The following ST6GALNAC3 variants were observed in gnomAD, a reference collection of about 807,000 sequenced individuals.
ST6GALNAC3 encodes the protein alpha-N-acetylgalactosaminide alpha-2,6-sialyltransferase 3.
Under a neutral mutation model 32.7 loss-of-function variants are expected in ST6GALNAC3, and 25 were observed. That is an observed-to-expected ratio of 0.76 (90% confidence interval 0.56 to 1.07). The LOEUF is 1.07. Ranked by LOEUF, ST6GALNAC3 falls within the 50% of genes least tolerant of loss-of-function variation. The pLI, the probability that ST6GALNAC3 is intolerant of heterozygous loss-of-function variation, is 0.00. For missense variants in ST6GALNAC3, 355 were observed against 382.4 expected (o/e 0.93, Z 0.60); for synonymous variants, 129 against 133.1 (o/e 0.97, Z 0.21).
At chr1:76,310,943 GCT>G (rs1195288166) in intron 1 of ST6GALNAC3, among the ~76,000 whole-genome samples, 1 of 152,084 alleles carries the variant, frequency 6.6e-6, no homozygotes, top group Non-Finnish European at 1.5e-5. Context: ...GTCAGTTCCT[GCT>G]CTGACAACTC....
intron 2 of ST6GALNAC3, among the ~76,000 whole-genome samples, chr1:76,371,292 T>G (rs780168767): frequency 6.6e-6 from 1 of 152,096 alleles, no homozygotes; most frequent in Non-Finnish European, 1.5e-5. Flanking sequence ...GGCATCATTA[T>G]ATAGGGGGCA....
chr1:76,574,590 A>G (rs944103353), intron 3 of ST6GALNAC3, among the ~76,000 whole-genome samples: 1 of 152,010 alleles, frequency 6.6e-6, no homozygotes, highest in Admixed American at 6.6e-5. Context: ...GATCTTCCTT[A>G]TATTAATCTG....
chr1:76,222,794 T>C (rs528009066), intron 1 of ST6GALNAC3, among the ~76,000 whole-genome samples: 1 of 152,108 alleles, frequency 6.6e-6, no homozygotes, highest in Admixed American at 6.5e-5. Context: ...ACAAGGGATA[T>C]GAAAAAATGC....
chr1:76,354,750 A>C (rs942699), intron 2 of ST6GALNAC3, among the ~76,000 whole-genome samples: 31,535 of 152,020 alleles, frequency 0.21, 3,724 homozygotes, highest in Non-Finnish European at 0.27. Flanking sequence ...AACTTCTAAG[A>C]GTGTTGGTTT....
chr1:76,120,412 A>G (rs1648796095), intron 1 of ST6GALNAC3, among the ~76,000 whole-genome samples: 1 of 152,236 alleles, frequency 6.6e-6, no homozygotes, highest in South Asian at 2.1e-4. Flanking sequence ...GGTCTCTGTG[A>G]GAAATGACTC....
At chr1:76,137,754 C>T (rs1411742942) in intron 1 of ST6GALNAC3, among the ~76,000 whole-genome samples, 2 of 152,180 alleles carry the variant, frequency 1.3e-5, no homozygotes, top group African/African-American at 4.8e-5. Context: ...GCTAGGAACC[C>T]TTCCAAGAGA....
At chr1:76,565,191 C>A (rs1665481917) in intron 3 of ST6GALNAC3, among the ~76,000 whole-genome samples, 1 of 152,118 alleles carries the variant, frequency 6.6e-6, no homozygotes, top group African/African-American at 2.4e-5. Context: ...ATGCTGACAA[C>A]AACTGAGGAC....
chr1:76,257,807 A>G (rs139020583), intron 1 of ST6GALNAC3, among the ~76,000 whole-genome samples: 3 of 152,264 alleles, frequency 2.0e-5, no homozygotes, highest in African/African-American at 7.2e-5. Flanking sequence ...GGAAAAAAGA[A>G]TAGGATAGAG....
At chr1:76,410,216 CCTA>C (rs1203826516) in intron 2 of ST6GALNAC3, among the ~76,000 whole-genome samples, 1 of 152,170 alleles carries the variant, frequency 6.6e-6, no homozygotes, top group African/African-American at 2.4e-5. Flanking sequence ...GGCCTCAGTA[CCTA>C]CTTGGCTCTC....
At chr1:76,256,033 C>CACACACAA (rs1412343859) in intron 1 of ST6GALNAC3, among the ~76,000 whole-genome samples, 1 of 151,826 alleles carries the variant, frequency 6.6e-6, no homozygotes, top group Non-Finnish European at 1.5e-5. Context: ...CACACACACA[C>CACACACAA]ACACACACAA....
chr1:76,439,808 A>G (rs17098996), intron 3 of ST6GALNAC3, among the ~76,000 whole-genome samples: 4,768 of 152,292 alleles, frequency 0.031, 262 homozygotes, highest in African/African-American at 0.11. Context: ...AAGAGTCTAC[A>G]GTAGAAAAGA....
chr1:76,102,777 A>G (rs1227352976), intron 1 of ST6GALNAC3, among the ~76,000 whole-genome samples: 2 of 151,982 alleles, frequency 1.3e-5, no homozygotes, highest in Non-Finnish European at 2.9e-5. Context: ...GATTAATCAT[A>G]TATTTATTCT....
chr1:76,346,489 G>A (rs2101008513), intron 2 of ST6GALNAC3, among the ~76,000 whole-genome samples: 1 of 152,336 alleles, frequency 6.6e-6, no homozygotes, highest in Admixed American at 6.5e-5. Context: ...AAGCAAGACA[G>A]GACTATAAGG....
intron 2 of ST6GALNAC3, among the ~76,000 whole-genome samples, chr1:76,363,521 G>T (rs904497292): frequency 7.2e-5 from 11 of 152,076 alleles, no homozygotes; most frequent in African/African-American, 2.7e-4. Flanking sequence ...CCCTCCAACT[G>T]TTCCAATCTC....
intron 3 of ST6GALNAC3, among the ~76,000 whole-genome samples, chr1:76,531,600 T>C (rs1180975246): frequency 2.6e-5 from 4 of 152,202 alleles, no homozygotes; most frequent in Admixed American, 1.3e-4. Context: ...TGTGTGCTTT[T>C]TTCCCCCTCA....
At chr1:76,441,034 G>A (rs1260188801) in intron 3 of ST6GALNAC3, among the ~76,000 whole-genome samples, 2 of 143,688 alleles carry the variant, frequency 1.4e-5, no homozygotes, top group Non-Finnish European at 3.0e-5. Context: ...GTTGTGGTGA[G>A]CTGAGATCAT....
chr1:76,463,172 G>A (rs1658396951), intron 3 of ST6GALNAC3, among the ~76,000 whole-genome samples: 1 of 152,118 alleles, frequency 6.6e-6, no homozygotes, highest in African/African-American at 2.4e-5. Context: ...TTTAATAGTG[G>A]GAGCTTAACT....
intron 1 of ST6GALNAC3, among the ~76,000 whole-genome samples, chr1:76,251,358 T>G (rs1285183768): frequency 1.3e-5 from 2 of 152,190 alleles, no homozygotes; most frequent in African/African-American, 4.8e-5. Context: ...CCACAAACTT[T>G]ATCCTGCCAG....
In ST6GALNAC3 at chr1:76,227,858, A is replaced by T. The variant is rs553200561; in HGVS notation, c.19-85947A>T. Among the ~76,000 whole-genome samples, 3 of 152,242 alleles carry T rather than the reference A, an allele frequency of 2.0e-5. No individual in the cohort carries two copies. The East Asian group carries it at 5.8e-4, about 29-fold the overall frequency. On this transcript the variant is annotated intron_variant, in intron 1 of 4. Coordinates refer to ENST00000328299, the MANE Select transcript of ST6GALNAC3 (RefSeq NM_152996.4). ...GCATGTATCTCAAGTGCTGCACAAGATTTGCAGCTGTGACTGTATGGAAAG... is the reference window on the plus strand; with the variant it reads ...GCATGTATCTCAAGTGCTGCACAAGTTTTGCAGCTGTGACTGTATGGAAAG...
Sources: gnomAD v4.1 joint callset for allele counts (sites outside exome capture counted in the v4.1 genomes callset) on GRCh38, gnomAD v4.1.1 for gene constraint, MANE v1.5 for transcripts, NCBI Gene and HGNC (gene_info 2026-07-23, HGNC 2026-07-21) for gene names.